CDCA2: variants seen among roughly 807,000 people sequenced by gnomAD.
CDCA2 encodes cell division cycle associated 2, also known as cell division cycle-associated protein 2.
A neutral mutation model predicts 67.0 loss-of-function variants in CDCA2; 44 were observed. The ratio of observed to expected loss-of-function variants is 0.66; its 90% CI spans 0.52 to 0.84. CDCA2 has a LOEUF of 0.84. Among genes scored for constraint, CDCA2 ranks in the 40% least tolerant of loss-of-function variants. CDCA2 has a pLI of 0.00. For synonymous variants in CDCA2, 447 were observed against 418.7 expected, an observed-to-expected ratio of 1.07 and a Z score of -0.82; for missense variants, 1,253 against 1,203.2, an observed-to-expected ratio of 1.04 and a Z score of -0.61.
At chr8:25,479,275 C>G (rs1399272523) in intron 7 of CDCA2, among the ~76,000 whole-genome samples, 1 of 152,106 alleles carries the variant, frequency 6.6e-6, no homozygotes, top group Non-Finnish European at 1.5e-5. Flanking sequence ...ATTTTATAAT[C>G]CCTGCTTATT....
In CDCA2 at chr8:25,506,543, T is replaced by G; in HGVS notation, c.1877T>G (p.Val626Gly). The G allele has an allele frequency of 1.3e-6, 2 of 1,587,856 alleles. No individual in the cohort carries two copies. The highest frequency in any genetic ancestry group is 1.7e-6 in the Non-Finnish European group (2 of 1,172,430). ...YFSSNGKLEEVKTPKNPVKRK... is the reference protein window; with the variant it reads ...YFSSNGKLEEGKTPKNPVKRK... ...AGTTCAAATGGCAAACTGGAAGAAG[T>G]GAAGACTCCTAAAAATCCAGTGAAA... Residue 626 changes from valine to glycine, a missense_variant, in exon 15 of 15, where the codon GTG (valine) becomes GGG (glycine). By Grantham distance (109) the Val-to-Gly change is moderately radical (BLOSUM62 -3). Transcript: ENST00000330560.
rs541848994 is a variant in CDCA2, at chr8:25,464,763, C to T, written c.388-1412C>T. 1.4e-4 allele frequency among the ~76,000 whole-genome samples: 21 copies of T among 152,230 alleles called. No individual in the cohort carries two copies. In the East Asian group the frequency reaches 3.5e-3, roughly 25 times the overall value. ...GAATTTGAGATCATCTTTTCCCTGT[C>T]GTTCTGTTAGATGAATTGACATAAG... On this transcript the variant is annotated intron_variant, in intron 4 of 14. Coordinates refer to ENST00000330560, the MANE Select transcript of CDCA2 (RefSeq NM_152562.4).
At chr8:25,493,927 A>G (rs1358989795) in intron 13 of CDCA2, among the ~76,000 whole-genome samples, 3 of 152,248 alleles carry the variant, frequency 2.0e-5, no homozygotes, top group Non-Finnish European at 4.4e-5. Flanking sequence ...CCACTGATCA[A>G]AATACAAAAA....
At chr8:25,500,043 G>A (rs1218251006) in intron 13 of CDCA2, among the ~76,000 whole-genome samples, 1 of 152,164 alleles carries the variant, frequency 6.6e-6, no homozygotes, top group Admixed American at 6.5e-5. Context: ...TGGGAGAGGT[G>A]GGGTGGTAAT....
chr8:25,479,716 A>G, intron 7 of CDCA2, 197 bp from the exon 8 acceptor site: 1 of 590,794 alleles, frequency 1.7e-6, no homozygotes, highest in South Asian at 2.0e-5. Flanking sequence ...GATTTGAGGT[A>G]AAAACTGACC....
chr8:25,468,481 G>A (rs2117487462), intron 6 of CDCA2, 68 bp downstream of exon 6: 1 of 1,285,388 alleles, frequency 7.8e-7, no homozygotes, highest in East Asian at 2.3e-5. Context: ...TTTTAAGGCT[G>A]TCAGTGCCGT....
intron 13 of CDCA2, among the ~76,000 whole-genome samples, chr8:25,488,985 C>T (rs1803896624): frequency 6.6e-6 from 1 of 152,100 alleles, no homozygotes; most frequent in Non-Finnish European, 1.5e-5. Flanking sequence ...CAACATATTA[C>T]CCTATTGGGA....
At chr8:25,501,966 C>CGGCTCACTGCAACCTCT in intron 13 of CDCA2, among the ~76,000 whole-genome samples, 1 of 152,258 alleles carries the variant, frequency 6.6e-6, no homozygotes, top group Middle Eastern at 3.4e-3. Flanking sequence ...GGCGCGATCT[C>CGGCTCACTGCAACCTCT]GGCTCACTGC....
intron 14 of CDCA2, among the ~76,000 whole-genome samples, chr8:25,504,827 C>A (rs1346544348): frequency 6.6e-6 from 1 of 152,198 alleles, no homozygotes; most frequent in Non-Finnish European, 1.5e-5. Context: ...CAACATACTT[C>A]CATCACCTAG....
Position 25,507,779 on chromosome 8 carries a change from C to T in CDCA2, c.*41C>T. ...GAGTCTGTGGCAAGAGGGAAAGTAA[C>T]CATCTATGCTGAAATGATCTGTCTA... On this transcript the variant is annotated 3_prime_UTR_variant, in exon 15 of 15. Transcript: ENST00000330560. 1.3e-6 allele frequency: 2 copies of T among 1,564,108 alleles called. No individual in the cohort carries two copies. Among genetic ancestry groups the T allele is most frequent in the Non-Finnish European group, 8.6e-7 (1 of 1,160,378 alleles).
chr8:25,475,951 C>G (rs1257445239), intron 7 of CDCA2, among the ~76,000 whole-genome samples: 1 of 152,186 alleles, frequency 6.6e-6, no homozygotes, highest in Non-Finnish European at 1.5e-5. Flanking sequence ...GTGGGGAAGC[C>G]AAACGTCTGC....
intron 5 of CDCA2, among the ~76,000 whole-genome samples, chr8:25,467,591 T>A (rs1802964911): frequency 6.6e-6 from 1 of 152,184 alleles, no homozygotes; most frequent in South Asian, 2.1e-4. Flanking sequence ...ATAACAGGTG[T>A]CATCATTTAA....
chr8:25,472,285 T>C (rs1803188546), intron 7 of CDCA2: 1 of 151,786 alleles, frequency 6.6e-6, no homozygotes, highest in South Asian at 2.1e-4. Flanking sequence ...GGAGTCTTGC[T>C]GTGTCACCCA....
At position 25,507,502 on chromosome 8, in the gene CDCA2, CA is replaced by C; in HGVS notation, c.2841del (p.Lys947AsnfsTer63). The C allele has an allele frequency of 1.2e-6, 2 of 1,613,750 alleles. No individual in the cohort carries two copies. Among genetic ancestry groups the C allele is most frequent in the Non-Finnish European group, 1.7e-6 (2 of 1,179,912 alleles). On this transcript the variant is annotated frameshift_variant, in exon 15 of 15. Transcript: ENST00000330560. LOFTEE classifies it low-confidence loss of function (END_TRUNC). ...CATAAAAGAAACTGTGTCCTCCAGACAAAAACCGCAGATGGCACCTCCCGTC... is the reference window on the plus strand; with the variant it reads ...CATAAAAGAAACTGTGTCCTCCAGACAAAACCGCAGATGGCACCTCCCGTC... ...SPIKETVSSR[Q>X]KPQMAPPVSD...
chr8:25,479,137 G>A (rs541501828), intron 7 of CDCA2, among the ~76,000 whole-genome samples: 2 of 152,182 alleles, frequency 1.3e-5, no homozygotes, highest in East Asian at 3.9e-4. Context: ...TTTAGTCCGT[G>A]TGGTTTTATC....
intron 13 of CDCA2, among the ~76,000 whole-genome samples, chr8:25,495,545 G>C (rs1211726217): frequency 6.6e-6 from 1 of 152,024 alleles, no homozygotes; most frequent in African/African-American, 2.4e-5. Context: ...CTCCCGAGTA[G>C]CTAGGAATAC....
rs565048638 is a variant in CDCA2, at chr8:25,488,546, T to C, written c.1534-6T>C. On this transcript the variant is annotated splice_region_variant and splice_polypyrimidine_tract_variant and intron_variant, in intron 12 of 14. Transcript: ENST00000330560. ...TACGGTATCCTACTTTACACTTTCT[T>C]TATAGCAATTGGTCAGTGTTGTAGA... is the stretch of plus-strand genomic sequence containing the variant. 3 of 1,597,074 alleles carry C rather than the reference T, an allele frequency of 1.9e-6. No individual in the cohort carries two copies. In the African/African-American group the frequency reaches 4.1e-5, roughly 22 times the overall value.
chr8:25,505,508 T>C (rs555640535), intron 14 of CDCA2, among the ~76,000 whole-genome samples: 143 of 152,260 alleles, frequency 9.4e-4, no homozygotes, highest in African/African-American at 2.9e-3. Context: ...GCCATAAATA[T>C]CAATTTTTAA....
chr8:25,464,825 G>A (rs923886209), intron 4 of CDCA2, among the ~76,000 whole-genome samples: 18 of 152,094 alleles, frequency 1.2e-4, no homozygotes, highest in African/African-American at 3.9e-4. Flanking sequence ...TGTCGTGAAC[G>A]TTTGTGTCAT....
Sources: allele counts gnomAD v4.1 joint callset (sites outside exome capture counted in the v4.1 genomes callset), GRCh38; gene constraint gnomAD v4.1.1; transcripts MANE v1.5; gene names NCBI Gene and HGNC (gene_info 2026-07-23, HGNC 2026-07-21).